DCC: variants seen among roughly 807,000 people sequenced by gnomAD.
DCC encodes netrin receptor DCC.
In DCC, 58 loss-of-function variants were observed where a neutral mutation model predicts 172.5. That is an observed-to-expected ratio of 0.34 (90% CI 0.27 to 0.42). The LOEUF (loss-of-function observed/expected upper bound fraction) is 0.42, where lower values mean the gene tolerates loss of function less well. DCC is among the 10% of genes least tolerant of loss of function. The pLI, the probability that DCC is intolerant of heterozygous loss-of-function variation, is 1.00. For synonymous variants in DCC, 709 were observed against 644.5 expected (o/e 1.10, Z -1.52); for missense variants, 1,740 against 1,791.0 (o/e 0.97, Z 0.51).
Position 52,689,611 on chromosome 18 carries a change from G to C in DCC, c.92-62443G>C, listed in dbSNP as rs148680120. Among the ~76,000 whole-genome samples the C allele has an allele frequency of 2.9e-4, 44 of 152,204 alleles. No individual in the cohort carries two copies. The East Asian group carries it at 8.3e-3, about 29-fold the overall frequency. ...ATGGTATAGGAGCTTAATAAATACA[G>C]GGTAGCTCCTCAGTATATAAAGGCA... is the stretch of plus-strand genomic sequence containing the variant. On this transcript the variant is annotated intron_variant, in intron 1 of 28. Coordinates refer to ENST00000442544, the MANE Select transcript of DCC (RefSeq NM_005215.4).
intron 25 of DCC, among the ~76,000 whole-genome samples, chr18:53,484,876 A>T (rs2045883187): frequency 1.3e-5 from 2 of 152,074 alleles, no homozygotes; most frequent in South Asian, 4.1e-4. Context: ...TGCTTTGGGT[A>T]GTATGAACCT....
chr18:53,046,542 T>C (rs541150328), intron 5 of DCC, among the ~76,000 whole-genome samples: 1 of 151,926 alleles, frequency 6.6e-6, no homozygotes, highest in Non-Finnish European at 1.5e-5. Context: ...GATAGAACTT[T>C]ATATTAATGT....
chr18:53,380,523 T>C (rs747940897), intron 15 of DCC, among the ~76,000 whole-genome samples: 2 of 152,194 alleles, frequency 1.3e-5, no homozygotes, highest in Non-Finnish European at 2.9e-5. Context: ...AATCCTATTG[T>C]TTCCTCAGTA....
chr18:52,357,014 A>G (rs1490773563), intron 1 of DCC, among the ~76,000 whole-genome samples: 1 of 152,138 alleles, frequency 6.6e-6, no homozygotes, highest in Non-Finnish European at 1.5e-5. Context: ...TGAACTCCTG[A>G]TGTCAGGTGA....
At chr18:52,373,067 G>T (rs551962562) in intron 1 of DCC, among the ~76,000 whole-genome samples, 133 of 152,252 alleles carry the variant, frequency 8.7e-4, no homozygotes, top group Middle Eastern at 3.4e-3. Flanking sequence ...GTGAAGGTTT[G>T]TTTTTCAGAG....
At chr18:53,430,198 A>G (rs1227678553) in intron 21 of DCC, among the ~76,000 whole-genome samples, 2 of 152,170 alleles carry the variant, frequency 1.3e-5, no homozygotes, top group Non-Finnish European at 2.9e-5. Context: ...TTTAAGATCA[A>G]GAAGATATCT....
intron 12 of DCC, among the ~76,000 whole-genome samples, chr18:53,255,926 C>G (rs553045735): frequency 2.1e-3 from 318 of 152,294 alleles, no homozygotes; most frequent in South Asian, 5.8e-3. Context: ...GAGATGGTAT[C>G]TCATTGTGGT....
chr18:52,895,620 T>C (rs530135362), intron 2 of DCC, among the ~76,000 whole-genome samples: 9 of 152,358 alleles, frequency 5.9e-5, no homozygotes, highest in African/African-American at 1.9e-4. Context: ...GGATGTATAA[T>C]GTTATGTACA....
intron 12 of DCC, among the ~76,000 whole-genome samples, chr18:53,294,446 C>T (rs561967023): frequency 3.9e-4 from 60 of 152,260 alleles, no homozygotes; most frequent in Admixed American, 6.5e-4. Flanking sequence ...ACTGAAGAGA[C>T]ATTTCTGGTT....
intron 2 of DCC, among the ~76,000 whole-genome samples, chr18:52,778,059 T>C (rs1177881914): frequency 6.6e-6 from 1 of 152,154 alleles, no homozygotes; most frequent in East Asian, 1.9e-4. Context: ...AATAGCAATA[T>C]ACTAAGCGAA....
chr18:52,604,331 A>G (rs897700131), intron 1 of DCC, among the ~76,000 whole-genome samples: 3 of 152,236 alleles, frequency 2.0e-5, no homozygotes, highest in Admixed American at 6.5e-5. Flanking sequence ...GGAACATCTG[A>G]TAGCTTCTAT....
chr18:52,459,053 C>CT (rs931246071), intron 1 of DCC, among the ~76,000 whole-genome samples: 221 of 151,036 alleles, frequency 1.5e-3, no homozygotes, highest in African/African-American at 4.7e-3. Flanking sequence ...TAAATTAGTT[C>CT]TTTTTTTTTG....
At chr18:52,871,654 C>T (rs2145384255) in intron 2 of DCC, among the ~76,000 whole-genome samples, 1 of 152,188 alleles carries the variant, frequency 6.6e-6, no homozygotes, top group South Asian at 2.1e-4. Context: ...AGGGTCTTGT[C>T]ATCTTGCCCA....
chr18:52,696,370 G>A (rs1238504252), intron 1 of DCC, among the ~76,000 whole-genome samples: 1 of 152,138 alleles, frequency 6.6e-6, no homozygotes, highest in African/African-American at 2.4e-5. Flanking sequence ...AAGCTCAACA[G>A]GACATCTGGA....
At position 52,890,208 on chromosome 18, in the gene DCC, C is replaced by G. The variant is rs894375520; in HGVS notation, c.413-15836C>G. ...TCAACAAATATTTACTGAGTGTCTGCTGTGTACCAGGCAAAGAGGATGCAA... is the reference window on the plus strand; with the variant it reads ...TCAACAAATATTTACTGAGTGTCTGGTGTGTACCAGGCAAAGAGGATGCAA... On this transcript the variant is annotated intron_variant, in intron 2 of 28. Coordinates refer to ENST00000442544, the MANE Select transcript of DCC (RefSeq NM_005215.4). Among the ~76,000 whole-genome samples the G allele has an allele frequency of 7.9e-5, 12 of 152,238 alleles. 1 individual carries two copies. The East Asian group carries it at 2.3e-3, about 29-fold the overall frequency.
At chr18:52,949,721 C>G (rs1224834414) in intron 5 of DCC, among the ~76,000 whole-genome samples, 2 of 152,302 alleles carry the variant, frequency 1.3e-5, no homozygotes, top group South Asian at 2.1e-4. Flanking sequence ...GCAGGACAGA[C>G]AGTGGCAACA....
chr18:53,492,570 C>T (rs1385462680), intron 26 of DCC, among the ~76,000 whole-genome samples: 1 of 152,172 alleles, frequency 6.6e-6, no homozygotes, highest in African/African-American at 2.4e-5. Flanking sequence ...GGAATCCTTT[C>T]CCCATTGCCT....
intron 1 of DCC, among the ~76,000 whole-genome samples, chr18:52,634,871 GA>G (rs1274100879): frequency 6.6e-6 from 1 of 152,066 alleles, no homozygotes; most frequent in Non-Finnish European, 1.5e-5. Flanking sequence ...CTAGTATAGG[GA>G]AACTATACCA....
In DCC at chr18:53,139,914, A is replaced by G. The variant is rs144902982; in HGVS notation, c.1262-17442A>G. On this transcript the variant is annotated intron_variant, in intron 7 of 28. Coordinates refer to ENST00000442544, the MANE Select transcript of DCC (RefSeq NM_005215.4). ...CATATTGAGTCAGTCACCAAGGAGG[A>G]TACAAATAAAGAATGTGAGCTCCAA... Among the ~76,000 whole-genome samples, 53 of 152,296 alleles carry G rather than the reference A, an allele frequency of 3.5e-4. 1 individual carries two copies. Among genetic ancestry groups the G allele is most frequent in the Middle Eastern group, 3.4e-3 (1 of 294 alleles).
Sources: gnomAD v4.1 joint callset for allele counts (sites outside exome capture counted in the v4.1 genomes callset) on GRCh38, gnomAD v4.1.1 for gene constraint, MANE v1.5 for transcripts, NCBI Gene and HGNC (gene_info 2026-07-23, HGNC 2026-07-21) for gene names.